The following SPATA3 variants were observed in gnomAD, a reference collection of about 807,000 sequenced individuals.
SPATA3 encodes the protein spermatogenesis-associated protein 3.
A neutral mutation model predicts 5.7 loss-of-function variants in SPATA3; 6 were observed. The ratio of observed to expected loss-of-function variants is 1.06; its 90% CI spans 0.58 to 2.09. The LOEUF (loss-of-function observed/expected upper bound fraction) is 2.09. Among genes scored for constraint, SPATA3 ranks in the 30% most tolerant of loss-of-function variants. SPATA3 has a pLI of 0.00. For missense variants in SPATA3, 155 were observed against 130.4 expected (o/e 1.19, Z -0.92); for synonymous variants, 44 against 48.4 (o/e 0.91, Z 0.37).
At chr2:231,017,491 C>A (rs1429267328) in intron 6 of SPATA3, among the ~76,000 whole-genome samples, 2 of 152,198 alleles carry the variant, frequency 1.3e-5, no homozygotes, top group South Asian at 4.1e-4. Flanking sequence ...CAGTTGACAT[C>A]CCCACCAATG....
intron 2 of SPATA3, among the ~76,000 whole-genome samples, chr2:231,002,231 C>T (rs1692379135): frequency 6.6e-6 from 1 of 152,152 alleles, no homozygotes; most frequent in South Asian, 2.1e-4. Flanking sequence ...TTTTTGAATG[C>T]CCTCCTCACA....
At position 230,996,200 on chromosome 2, in the gene SPATA3, A is replaced by C. The variant is rs1397562302; in HGVS notation, c.791-4166A>C. 1 of 1,533,916 alleles carries C rather than the reference A, an allele frequency of 6.5e-7. No individual in the cohort carries two copies. The highest frequency in any genetic ancestry group is 8.8e-7 in the Non-Finnish European group (1 of 1,140,094). On this transcript the variant is annotated intron_variant, in intron 1 of 2. An upstream start codon of the reference 5' UTR is lost. Coordinates refer to ENST00000645363, the Ensembl canonical transcript of SPATA3. The stretch of plus-strand genomic sequence containing the variant: ...GGGAGCCGGGAGATTACGCAGCTCC[A>C]TGTAGGTCCACGTTTAGGTTGGGAG...
chr2:231,002,210 G>A (rs963383384), intron 2 of SPATA3, among the ~76,000 whole-genome samples: 1 of 152,110 alleles, frequency 6.6e-6, no homozygotes, highest in African/African-American at 2.4e-5. Flanking sequence ...TTATCAAAAC[G>A]GGTATTGCAT....
At chr2:231,019,641 G>A (rs1430782236) in intron 6 of SPATA3, 1 of 151,092 alleles carries the variant, frequency 6.6e-6, no homozygotes, top group African/African-American at 2.4e-5. Context: ...ACTTTTATAA[G>A]TAGTATTGCA....
chr2:231,012,972 G>A (rs1692825922), intron 5 of SPATA3, among the ~76,000 whole-genome samples: 1 of 152,166 alleles, frequency 6.6e-6, no homozygotes, highest in African/African-American at 2.4e-5. Flanking sequence ...CTGCGCACTT[G>A]GACTTGTGCA....
At chr2:231,016,447 G>A (rs1028837680) in intron 6 of SPATA3, among the ~76,000 whole-genome samples, 3 of 146,644 alleles carry the variant, frequency 2.0e-5, no homozygotes, top group Non-Finnish European at 4.4e-5. Flanking sequence ...CAGCACTTTG[G>A]GAAGCCAAGG....
chr2:231,019,351 T>C (rs1268017161), intron 6 of SPATA3, among the ~76,000 whole-genome samples: 2 of 146,996 alleles, frequency 1.4e-5, no homozygotes, highest in Non-Finnish European at 3.0e-5. Flanking sequence ...TGAGACAGAG[T>C]CTTGCACTGT....
chr2:230,997,038 G>A (rs1480380290), intron 1 of SPATA3, among the ~76,000 whole-genome samples: 3 of 152,124 alleles, frequency 2.0e-5, no homozygotes, highest in Non-Finnish European at 4.4e-5. Flanking sequence ...GAAGGAATTG[G>A]AGGATGTCTG....
chr2:231,010,326 T>C (rs1692749359), downstream of SPATA3, among the ~76,000 whole-genome samples: 2 of 152,240 alleles, frequency 1.3e-5, no homozygotes, highest in Non-Finnish European at 2.9e-5. Context: ...GGGTCGGATC[T>C]AATGCTAATA....
chr2:231,014,396 G>T (rs750320641), intron 6 of SPATA3, among the ~76,000 whole-genome samples: 17 of 152,222 alleles, frequency 1.1e-4, no homozygotes, highest in Middle Eastern at 3.4e-3. Flanking sequence ...GCTTTCTGAG[G>T]ACACCCTATT....
chr2:231,010,182 T>C (rs1692746193), downstream of SPATA3, among the ~76,000 whole-genome samples: 1 of 152,240 alleles, frequency 6.6e-6, no homozygotes, highest in Non-Finnish European at 1.5e-5. Flanking sequence ...AATTGATTAA[T>C]AGGAGAAAGG....
downstream of SPATA3, among the ~76,000 whole-genome samples, chr2:231,005,109 CCATCATCACCACCACCAT>C (rs2125106982): frequency 8.5e-6 from 1 of 117,378 alleles, no homozygotes; most frequent in African/African-American, 3.3e-5. Flanking sequence ...ATCACCATCA[CCATCATCACCACCACCAT>C]CATCATCACC....
At chr2:231,004,442 G>A (rs1692462480), downstream of SPATA3, among the ~76,000 whole-genome samples, 1 of 152,156 alleles carries the variant, frequency 6.6e-6, no homozygotes, top group African/African-American at 2.4e-5. Flanking sequence ...TCTGCTGCCT[G>A]ATAGCTGGGT....
intron 1 of SPATA3, among the ~76,000 whole-genome samples, chr2:230,998,046 G>C (rs1173149586): frequency 2.0e-5 from 3 of 152,124 alleles, no homozygotes; most frequent in Non-Finnish European, 1.5e-5. Context: ...CCACAGCACT[G>C]ACCTTTCCAT....
chr2:230,996,240 A>G, intron 1 of SPATA3: 5 of 1,550,254 alleles, frequency 3.2e-6, no homozygotes, highest in Non-Finnish European at 4.4e-6. Context: ...TACCATGAAG[A>G]AGGTCAAGAA....
At chr2:231,018,969 C>CT (rs10652495) in intron 6 of SPATA3, among the ~76,000 whole-genome samples, 64,224 of 126,094 alleles carry the variant, frequency 0.51, 17,519 homozygotes, top group African/African-American at 0.66. Flanking sequence ...TTTTCTTTTT[C>CT]TTTTTTTTTT....
At chr2:231,000,333 G>A (rs1164801798) in intron 1 of SPATA3, 33 bp from the exon 2 acceptor site, 4 of 1,423,828 alleles carry the variant, frequency 2.8e-6, no homozygotes, top group Non-Finnish European at 3.7e-6. Flanking sequence ...CAGGGCAGGT[G>A]CCTCCCTCAC....
At chr2:231,019,387 G>T (rs191547579) in intron 6 of SPATA3, among the ~76,000 whole-genome samples, 2 of 143,070 alleles carry the variant, frequency 1.4e-5, no homozygotes, top group East Asian at 4.9e-4. Flanking sequence ...GCAGTGGTGC[G>T]ATCTCAGCTC....
chr2:230,996,194 A>G (rs1692110211), intron 1 of SPATA3: 1 of 1,522,560 alleles, frequency 6.6e-7, no homozygotes, highest in Admixed American at 2.1e-5. Flanking sequence ...GAGATTACGC[A>G]GCTCCATGTA....
Sources: gnomAD v4.1 joint callset for allele counts (sites outside exome capture counted in the v4.1 genomes callset) on GRCh38, gnomAD v4.1.1 for gene constraint, MANE v1.5 for transcripts, NCBI Gene and HGNC (gene_info 2026-07-23, HGNC 2026-07-21) for gene names.